Variants in MEMO1 observed in about 807,000 individuals in gnomAD.
MEMO1 encodes the protein protein MEMO1.
MEMO1 carries 6 observed loss-of-function variants against 45.2 expected under a neutral mutation model. The observed-to-expected ratio is 0.13, with a 90% confidence interval of 0.07 to 0.26. The LOEUF (loss-of-function observed/expected upper bound fraction) is 0.26, where lower values mean the gene tolerates loss of function less well. Ranked by LOEUF, MEMO1 falls within the 10% of genes least tolerant of loss-of-function variation. The pLI, the probability that MEMO1 is intolerant of heterozygous loss-of-function variation, is 1.00. For synonymous variants in MEMO1, 78 were observed against 124.3 expected, an observed-to-expected ratio of 0.63 and a Z score of 2.48; for missense variants, 184 against 370.5, an observed-to-expected ratio of 0.50 and a Z score of 4.13.
intron 2 of MEMO1, among the ~76,000 whole-genome samples, chr2:31,978,127 C>A (rs1457856573): frequency 6.6e-6 from 1 of 152,112 alleles, no homozygotes; most frequent in Non-Finnish European, 1.5e-5. Flanking sequence ...TGGCTCACAC[C>A]TGTAATCCCA....
At chr2:31,978,572 A>G (rs944337009) in intron 2 of MEMO1, among the ~76,000 whole-genome samples, 6 of 152,196 alleles carry the variant, frequency 3.9e-5, no homozygotes, top group African/African-American at 1.4e-4. Context: ...AGCTAGGACT[A>G]CAGGCACACG....
chr2:31,897,031 T>C (rs1474405900), intron 6 of MEMO1, among the ~76,000 whole-genome samples: 3 of 152,198 alleles, frequency 2.0e-5, no homozygotes, highest in Admixed American at 6.5e-5. Context: ...TTGTCTACTA[T>C]TGGTGTATAG....
chr2:31,915,452 T>C (rs947725674), intron 6 of MEMO1, among the ~76,000 whole-genome samples: 1 of 152,170 alleles, frequency 6.6e-6, no homozygotes, highest in African/African-American at 2.4e-5. Context: ...AGTGATCTTA[T>C]TTGCTTTGGA....
chr2:31,899,215 C>A (rs1420883627), intron 6 of MEMO1, among the ~76,000 whole-genome samples: 1 of 152,064 alleles, frequency 6.6e-6, no homozygotes, highest in Non-Finnish European at 1.5e-5. Flanking sequence ...ATAAAAGAGC[C>A]CATATAGCCA....
chr2:31,898,531 T>A (rs1418746831), intron 6 of MEMO1, among the ~76,000 whole-genome samples: 1 of 152,146 alleles, frequency 6.6e-6, no homozygotes, highest in Non-Finnish European at 1.5e-5. Context: ...CGGTTTTGAG[T>A]GAGTTTCTTA....
intron 3 of MEMO1, among the ~76,000 whole-genome samples, chr2:31,935,747 T>A (rs11682335): frequency 6.6e-6 from 1 of 152,134 alleles, no homozygotes; most frequent in Non-Finnish European, 1.5e-5. Context: ...TTTCCTAATC[T>A]TTCTCTCGCT....
intron 2 of MEMO1, among the ~76,000 whole-genome samples, chr2:31,983,967 G>A (rs1670965544): frequency 6.6e-6 from 1 of 152,208 alleles, no homozygotes; most frequent in African/African-American, 2.4e-5. Context: ...AAAATAGTGT[G>A]GGATTGGATT....
intron 2 of MEMO1, among the ~76,000 whole-genome samples, chr2:31,977,137 CAGAA>C (rs1339037192): frequency 6.6e-6 from 1 of 151,914 alleles, no homozygotes; most frequent in Non-Finnish European, 1.5e-5. Flanking sequence ...GTATTTCAAA[CAGAA>C]AGAAGCCATG....
chr2:31,926,391 A>C (rs1161310720), intron 4 of MEMO1, among the ~76,000 whole-genome samples: 2 of 152,058 alleles, frequency 1.3e-5, no homozygotes, highest in East Asian at 1.9e-4. Flanking sequence ...AAAAAAAAAA[A>C]AACAGAATCT....
chr2:31,893,356 G>A, intron 6 of MEMO1: 1 of 1,145,528 alleles, frequency 8.7e-7, no homozygotes, highest in Non-Finnish European at 1.1e-6. Flanking sequence ...AGCTGGCAGA[G>A]GAAGCTGCCA....
In MEMO1 at chr2:31,949,363, T is replaced by C. The variant is rs575808173; in HGVS notation, c.62-5980A>G. Among the ~76,000 whole-genome samples the C allele has an allele frequency of 2.8e-4, 42 of 152,240 alleles. 1 individual carries two copies. The South Asian group carries it at 5.8e-3, about 21-fold the overall frequency. Reference sequence around the variant, plus strand: ...TAGCTAAGATTGGATGCATCCTAAGTGTCCATCAACAGATGAATGGATAAA... The same window carrying C: ...TAGCTAAGATTGGATGCATCCTAAGCGTCCATCAACAGATGAATGGATAAA... On this transcript the variant is annotated intron_variant, in intron 2 of 9. Coordinates refer to ENST00000404530, the MANE Select transcript of MEMO1 (RefSeq NM_001301833.4).
Position 31,868,376 on chromosome 2 carries a change from T to A in MEMO1, c.879A>T (p.Ala293=), listed in dbSNP as rs756192162. 2.6e-6 allele frequency: 4 copies of A among 1,558,942 alleles called. No individual in the cohort carries two copies. The highest frequency in any genetic ancestry group is 3.5e-6 in the Non-Finnish European group (4 of 1,156,116). ...ATTCAGAGCTTCAGTGGACCGTGAG[T>A]GCTCCAGCTGCATAACTCACTGAAC... ...QDSSVSYAAG[A]LTVH The change falls in exon 10 of 10, where the codon GCA becomes GCT. Residue 293 remains alanine, a synonymous_variant. Transcript: ENST00000404530.
intron 8 of MEMO1, among the ~76,000 whole-genome samples, chr2:31,878,595 C>A (rs1674906028): frequency 6.6e-6 from 1 of 152,008 alleles, no homozygotes; most frequent in South Asian, 2.1e-4. Flanking sequence ...ATAAGACATC[C>A]AAGTGGAAAT....
At chr2:31,936,542 G>A (rs1460677835) in intron 3 of MEMO1, among the ~76,000 whole-genome samples, 1 of 152,156 alleles carries the variant, frequency 6.6e-6, no homozygotes, top group Non-Finnish European at 1.5e-5. Context: ...TTTTCCCTGT[G>A]GAACTGCAAT....
rs1038127662 is a variant in MEMO1 at position 31,897,842 on chromosome 2, G to T, written c.438-5708C>A. Among the ~76,000 whole-genome samples the T allele has an allele frequency of 2.0e-5, 3 of 152,096 alleles. No individual in the cohort carries two copies. In the South Asian group the frequency reaches 6.2e-4, roughly 32 times the overall value. ...GTAGAATTCAGCTATGAATGCATCT[G>T]GTCCTGGGCTTTTTGGTTGGTAGGC... On this transcript the variant is annotated intron_variant, in intron 6 of 9. Transcript: ENST00000404530.
intron 3 of MEMO1, among the ~76,000 whole-genome samples, chr2:31,935,662 C>T (rs1467507298): frequency 6.6e-6 from 1 of 152,132 alleles, no homozygotes; most frequent in African/African-American, 2.4e-5. Context: ...CTTGTAATTT[C>T]CTTTATCCTC....
intron 2 of MEMO1, among the ~76,000 whole-genome samples, chr2:31,961,449 C>T (rs1667995358): frequency 6.6e-6 from 1 of 151,278 alleles, no homozygotes; most frequent in South Asian, 2.1e-4. Context: ...GTGTCAGGCA[C>T]ACTACTGGGT....
intron 2 of MEMO1, among the ~76,000 whole-genome samples, chr2:31,979,283 T>A (rs942948482): frequency 2.0e-5 from 3 of 152,182 alleles, no homozygotes; most frequent in Non-Finnish European, 2.9e-5. Flanking sequence ...GGATTACAAT[T>A]CAAGATAAGA....
intron 8 of MEMO1, among the ~76,000 whole-genome samples, chr2:31,877,525 T>C (rs765097527): frequency 4.6e-5 from 7 of 152,210 alleles, no homozygotes; most frequent in Non-Finnish European, 8.8e-5. Context: ...AAGTTTTGCA[T>C]TGATTTTAAT....
Sources: allele counts gnomAD v4.1 joint callset (sites outside exome capture counted in the v4.1 genomes callset), GRCh38; gene constraint gnomAD v4.1.1; transcripts MANE v1.5; gene names NCBI Gene and HGNC (gene_info 2026-07-23, HGNC 2026-07-21).